The following ATIC variants were observed in gnomAD, a reference collection of about 807,000 sequenced individuals.
ATIC encodes 5-aminoimidazole-4-carboxamide ribonucleotide formyltransferase/IMP cyclohydrolase.
ATIC carries 64 observed loss-of-function variants against 72.5 expected under a neutral mutation model. The observed-to-expected ratio is 0.88, with a 90% CI of 0.72 to 1.09. The LOEUF (loss-of-function observed/expected upper bound fraction) is 1.09, where lower values mean the gene tolerates loss of function less well. Ranked by LOEUF, ATIC falls within the 50% of genes least tolerant of loss-of-function variation. The pLI is 0.00. For synonymous variants in ATIC, 281 were observed against 267.1 expected (o/e 1.05, Z -0.51); for missense variants, 787 against 732.4 (o/e 1.07, Z -0.86).
chr2:215,343,954 C>T (rs2106038284), intron 12 of ATIC, among the ~76,000 whole-genome samples: 1 of 152,166 alleles, frequency 6.6e-6, no homozygotes, highest in Non-Finnish European at 1.5e-5. Context: ...CTGGTAATTC[C>T]TAATGGTTTT....
In ATIC at chr2:215,313,810, C is replaced by T. The variant is rs573154627; in HGVS notation, c.146+1186C>T. ...CTGTATATTTTCGGATGTCTTTTTG[C>T]GTCTTGTCTCTGTGGTTTTCATGGG... On this transcript the variant is annotated intron_variant, in intron 2 of 15. Transcript: ENST00000236959. Among the ~76,000 whole-genome samples the T allele has an allele frequency of 9.6e-4, 146 of 152,190 alleles. 1 individual carries two copies. The highest frequency in any genetic ancestry group is 3.4e-3 in the African/African-American group (141 of 41,526).
intron 1 of ATIC, 152 bp downstream of exon 1, chr2:215,312,313 CG>C: frequency 6.9e-7 from 1 of 1,442,346 alleles, no homozygotes; most frequent in South Asian, 1.3e-5. Context: ...CCGCAGCCTG[CG>C]TGGGGCCCGC....
At chr2:215,353,962 G>T (rs1305506457), downstream of ATIC, among the ~76,000 whole-genome samples, 1 of 152,116 alleles carries the variant, frequency 6.6e-6, no homozygotes, top group Non-Finnish European at 1.5e-5. Context: ...ACACTGTTTG[G>T]TTTTTTATTG....
At chr2:215,330,455 T>A (rs2052878852) in intron 7 of ATIC, among the ~76,000 whole-genome samples, 1 of 152,216 alleles carries the variant, frequency 6.6e-6, no homozygotes, top group Non-Finnish European at 1.5e-5. Flanking sequence ...CCTGTTAACA[T>A]CATGCATTAG....
In ATIC at chr2:215,326,916, G is replaced by C. The variant is rs761616574; in HGVS notation, c.626G>C (p.Gly209Ala). Residue 209 changes from glycine (G) to alanine (A), a missense_variant, in exon 7 of 16, where the codon GGA becomes GCA. Coordinates refer to ENST00000236959, the MANE Select transcript of ATIC (RefSeq NM_004044.7). Reference sequence around the variant, plus strand: ...GTATCTCAGATGCCCTTGAGATATGGAATGAACCCACATCAGACCCCTGCC... The same window carrying C: ...GTATCTCAGATGCCCTTGAGATATGCAATGAACCCACATCAGACCCCTGCC... ...KGVSQMPLRY[G>A]MNPHQTPAQL... is the part of the protein sequence containing the mutation. 1.2e-6 allele frequency: 2 copies of C among 1,614,024 alleles called. No homozygotes were observed. Among genetic ancestry groups the C allele is most frequent in the Admixed American group, 3.3e-5 (2 of 59,988 alleles).
In ATIC at chr2:215,345,270, T is replaced by C. The variant is rs113266207; in HGVS notation, c.1320+399T>C. 891 of 296,304 alleles carry C rather than the reference T, an allele frequency of 3.0e-3. 6 individuals carry two copies. The highest frequency in any genetic ancestry group is 0.018 in the African/African-American group (830 of 45,878). 18.4% of individuals were successfully genotyped at this position (296,304 alleles called of 1,614,324 possible). On this transcript the variant is annotated intron_variant, in intron 13 of 15. Coordinates refer to ENST00000236959, the MANE Select transcript of ATIC (RefSeq NM_004044.7). ...CAGCCTGCAGGGTATTTTCACATTA[T>C]TTCTTATGTTGTCTTATCAAGAATC...
At position 215,326,042 on chromosome 2, in the gene ATIC, G is replaced by A. The variant is rs149803312; in HGVS notation, c.435G>A (p.Val145=). 123 of 1,614,214 alleles carry A rather than the reference G, an allele frequency of 7.6e-5. No homozygotes were observed. The African/African-American group carries it at 1.3e-3, about 17-fold the overall frequency. ...AAAACCACGCTCGAGTGACAGTGGTGTGTGAACCAGAGGACTATGTGGTGG... is the reference window on the plus strand; with the variant it reads ...AAAACCACGCTCGAGTGACAGTGGTATGTGAACCAGAGGACTATGTGGTGG... The part of the protein sequence containing the change: ...AAKNHARVTV[V]CEPEDYVVVS... Residue 145 remains valine, a synonymous_variant, in exon 6 of 16, where the codon GTG becomes GTA. Coordinates refer to ENST00000236959, the MANE Select transcript of ATIC (RefSeq NM_004044.7).
At chr2:215,361,807 A>T in the ATIC span, 1 of 587,168 alleles carries the variant, frequency 1.7e-6, no homozygotes, top group African/African-American at 2.0e-5. Context: ...TACATAAATT[A>T]TAACTTAAAC....
chr2:215,362,139 T>G, the ATIC span: 1 of 1,313,062 alleles, frequency 7.6e-7, no homozygotes, highest in African/African-American at 1.4e-5. Flanking sequence ...ACATCGTAAT[T>G]TAGTGTTTGA....
intron 7 of ATIC, among the ~76,000 whole-genome samples, chr2:215,328,481 C>T (rs963461733): frequency 6.6e-6 from 1 of 152,044 alleles, no homozygotes; most frequent in African/African-American, 2.4e-5. Flanking sequence ...CCAAGTGGGC[C>T]CAGCTCTTTC....
chr2:215,321,733 C>T (rs2052769483), intron 4 of ATIC, among the ~76,000 whole-genome samples: 1 of 152,162 alleles, frequency 6.6e-6, no homozygotes, highest in African/African-American at 2.4e-5. Context: ...ATGTGGAACA[C>T]CGTTGGATGT....
Position 215,323,834 on chromosome 2 carries a change from C to T in ATIC, c.291-1407C>T, listed in dbSNP as rs536930050. On this transcript the variant is annotated intron_variant, in intron 4 of 15. Transcript: ENST00000236959. ...TGTTGCCCAAGGCGGAGTGCAGTTG[C>T]GTGATCTTGGCTCACTGTGACCTCC... Among the ~76,000 whole-genome samples, 78 of 152,274 alleles carry T rather than the reference C, an allele frequency of 5.1e-4. 1 individual carries two copies. The highest frequency in any genetic ancestry group is 1.1e-3 in the Non-Finnish European group (73 of 68,022).
At chr2:215,366,959 A>C in the ATIC span, among the ~76,000 whole-genome samples, 1 of 152,244 alleles carries the variant, frequency 6.6e-6, no homozygotes, top group African/African-American at 2.4e-5. Flanking sequence ...GTCTATATTG[A>C]AAACACTGGC....
the ATIC span, chr2:215,365,410 A>G: frequency 3.0e-6 from 4 of 1,328,806 alleles, no homozygotes; most frequent in South Asian, 3.5e-5. Flanking sequence ...AAGGAGACCT[A>G]AAGTCTCCAA....
At position 215,332,826 on chromosome 2, in the gene ATIC, A is replaced by G. The variant is rs2052910613; in HGVS notation, c.814+319A>G. 1.3e-5 allele frequency among the ~76,000 whole-genome samples: 2 copies of G among 152,232 alleles called. 1 individual carries two copies. Among genetic ancestry groups the G allele is most frequent in the Non-Finnish European group, 2.9e-5 (2 of 68,040 alleles). On this transcript the variant is annotated intron_variant, in intron 8 of 15. Coordinates refer to ENST00000236959, the MANE Select transcript of ATIC (RefSeq NM_004044.7). ...TTTGAAAATGTAATGGAGTAAACAT[A>G]AAGAAGTTCTTCTTTGGACTCTTTA...
At chr2:215,356,226 T>C in the ATIC span, among the ~76,000 whole-genome samples, 12 of 152,350 alleles carry the variant, frequency 7.9e-5, no homozygotes, top group East Asian at 1.9e-4. Context: ...ATTATTCTTT[T>C]CATAATGCTT....
At chr2:215,323,798 C>T (rs1559269386) in intron 4 of ATIC, among the ~76,000 whole-genome samples, 1 of 151,912 alleles carries the variant, frequency 6.6e-6, no homozygotes, top group African/African-American at 2.4e-5. Context: ...TTTAAGATGG[C>T]GTTTTGCTCT....
chr2:215,355,988 A>C, the ATIC span, among the ~76,000 whole-genome samples: 72 of 152,240 alleles, frequency 4.7e-4, no homozygotes, highest in African/African-American at 1.6e-3. Context: ...TCTGGCTGAA[A>C]GCACATATTC....
chr2:215,357,430 T>G, the ATIC span, among the ~76,000 whole-genome samples: 1 of 152,196 alleles, frequency 6.6e-6, no homozygotes, highest in Non-Finnish European at 1.5e-5. Flanking sequence ...TGAGCTGTTT[T>G]AGAGATAAAT....
Sources: allele counts gnomAD v4.1 joint callset (sites outside exome capture counted in the v4.1 genomes callset), GRCh38; gene constraint gnomAD v4.1.1; transcripts MANE v1.5; gene names NCBI Gene and HGNC (gene_info 2026-07-23, HGNC 2026-07-21).